NCKAP1: variants seen among roughly 807,000 people sequenced by gnomAD.
NCKAP1 encodes NCK associated protein 1, also known as nck-associated protein 1.
Under a neutral mutation model 151.2 loss-of-function variants are expected in NCKAP1, and 21 were observed. The observed-to-expected ratio is 0.14, with a 90% CI of 0.10 to 0.20. The LOEUF is 0.20. NCKAP1 is among the 10% of genes least tolerant of loss of function. The pLI is 1.00. For synonymous variants in NCKAP1, 484 were observed against 451.8 expected (o/e 1.07, Z -0.90); for missense variants, 933 against 1,352.1 (o/e 0.69, Z 4.86).
chr2:182,999,856 C>G lies in NCKAP1; in HGVS notation c.603+2097G>C, dbSNP rs116533327. Among the ~76,000 whole-genome samples the G allele has an allele frequency of 8.6e-3, 1,311 of 152,248 alleles. 12 individuals are homozygous for G. Among genetic ancestry groups the G allele is most frequent in the Non-Finnish European group, 0.014 (953 of 68,010 alleles). ...ACAAAATCATGTCTTTCTGCAGCAA[C>G]ATGGATGGAACTGGAGGCCATTATC... On this transcript the variant is annotated intron_variant, in intron 6 of 30. Coordinates refer to ENST00000361354, the MANE Select transcript of NCKAP1 (RefSeq NM_013436.5).
chr2:182,975,764 G>T (rs963740865), intron 15 of NCKAP1, among the ~76,000 whole-genome samples: 2 of 151,926 alleles, frequency 1.3e-5, no homozygotes, highest in Non-Finnish European at 2.9e-5. Flanking sequence ...AATTAGCTGG[G>T]TGTGGTGGCT....
intron 26 of NCKAP1, among the ~76,000 whole-genome samples, chr2:182,933,557 C>A (rs1229868165): frequency 1.3e-5 from 2 of 151,846 alleles, no homozygotes; most frequent in Non-Finnish European, 2.9e-5. Flanking sequence ...TCACGCCTGG[C>A]TAATTTTGTA....
At chr2:183,006,432 A>G (rs1220807230) in intron 2 of NCKAP1, among the ~76,000 whole-genome samples, 1 of 152,232 alleles carries the variant, frequency 6.6e-6, no homozygotes, top group Non-Finnish European at 1.5e-5. Flanking sequence ...TATTACCCAT[A>G]GTATTTCTAA....
intron 1 of NCKAP1, among the ~76,000 whole-genome samples, chr2:183,032,142 C>T (rs1699016204): frequency 6.6e-6 from 1 of 152,112 alleles, no homozygotes; most frequent in Admixed American, 6.5e-5. Flanking sequence ...TATTATGTAT[C>T]CCTGGCTAGG....
chr2:183,023,995 T>G (rs1020904442), intron 1 of NCKAP1, 79 bp from the exon 2 acceptor site: 2 of 1,073,194 alleles, frequency 1.9e-6, no homozygotes, highest in African/African-American at 1.6e-5. Flanking sequence ...CAATTAGAAA[T>G]TAAAGAGATA....
rs1699142477 is a variant in NCKAP1, at chr2:183,038,117, C to T, written c.-18G>A. 6.5e-7 allele frequency: 1 copy of T among 1,528,342 alleles called. No individual in the cohort carries two copies. The highest frequency in any genetic ancestry group is 1.4e-5 in the African/African-American group (1 of 70,054). 94.7% of individuals were successfully genotyped at this position (1,528,342 alleles called of 1,614,324 possible). On this transcript the variant is annotated 5_prime_UTR_variant, in exon 1 of 31. Transcript: ENST00000361354. Reference sequence around the variant, plus strand: ...CGCGACATGGTGGTGCTGGTGCCGCCGCCGCCGCCGGCCGCCTCGCGCCCA... The same window carrying T: ...CGCGACATGGTGGTGCTGGTGCCGCTGCCGCCGCCGGCCGCCTCGCGCCCA...
At chr2:182,973,294 G>C (rs925243534) in intron 15 of NCKAP1, among the ~76,000 whole-genome samples, 1 of 151,958 alleles carries the variant, frequency 6.6e-6, no homozygotes, top group African/African-American at 2.4e-5. Flanking sequence ...GACAACAATG[G>C]GGGGAGAAAC....
intron 14 of NCKAP1, among the ~76,000 whole-genome samples, 193 bp downstream of exon 14, chr2:182,978,641 A>AGG (rs1322730550): frequency 3.3e-5 from 5 of 152,146 alleles, no homozygotes; most frequent in African/African-American, 1.2e-4. Context: ...TAATAATTAG[A>AGG]AATATAAAAC....
intron 15 of NCKAP1, among the ~76,000 whole-genome samples, chr2:182,969,363 TAAA>T (rs1180092887): frequency 6.6e-6 from 1 of 151,818 alleles, no homozygotes; most frequent in South Asian, 2.1e-4. Flanking sequence ...ATTAAGGAAA[TAAA>T]AAATTTATTG....
At chr2:183,031,583 G>C (rs1444164033) in intron 1 of NCKAP1, among the ~76,000 whole-genome samples, 1 of 151,470 alleles carries the variant, frequency 6.6e-6, no homozygotes, top group African/African-American at 2.4e-5. Context: ...GGGTGGGGGG[G>C]AATGAACATT....
intron 23 of NCKAP1, among the ~76,000 whole-genome samples, chr2:182,947,547 T>C (rs1369055688): frequency 2.0e-5 from 3 of 152,196 alleles, no homozygotes; most frequent in Non-Finnish European, 4.4e-5. Flanking sequence ...GGCGTCAGCC[T>C]AGAAATACTT....
At chr2:182,947,165 A>C (rs1009876355) in intron 23 of NCKAP1, 2 of 152,208 alleles carry the variant, frequency 1.3e-5, no homozygotes, top group East Asian at 3.8e-4. Context: ...GCTTCTGCTA[A>C]GTACATTGGG....
At chr2:182,984,425 T>G (rs540210592) in intron 10 of NCKAP1, among the ~76,000 whole-genome samples, 23 of 3,588 alleles carry the variant, frequency 6.4e-3, no homozygotes, top group African/African-American at 7.9e-3. Flanking sequence ...TAGATTGGGG[T>G]GTGTGTGTGT....
At chr2:182,970,458 C>G (rs1452399846) in intron 15 of NCKAP1, among the ~76,000 whole-genome samples, 3 of 151,018 alleles carry the variant, frequency 2.0e-5, no homozygotes, top group Non-Finnish European at 4.4e-5. Flanking sequence ...CACATAAGGA[C>G]AAAACTGTAT....
chr2:182,969,196 T>A (rs1296849741), intron 15 of NCKAP1, among the ~76,000 whole-genome samples: 1 of 152,176 alleles, frequency 6.6e-6, no homozygotes, highest in Admixed American at 6.5e-5. Context: ...GGAGAGACCA[T>A]ATGTTAGGCC....
intron 12 of NCKAP1, 77 bp downstream of exon 12, chr2:182,982,744 C>T (rs1270471681): frequency 1.1e-6 from 1 of 875,986 alleles, no homozygotes; most frequent in Non-Finnish European, 1.7e-6. Flanking sequence ...TACAATAGGT[C>T]TATCAGGACA....
At chr2:182,983,027 T>C in intron 11 of NCKAP1, 100 bp from the exon 12 acceptor site, 1 of 895,330 alleles carries the variant, frequency 1.1e-6, no homozygotes, top group South Asian at 1.8e-5. Context: ...AGTGATAATA[T>C]CAATTCAAAA....
intron 2 of NCKAP1, among the ~76,000 whole-genome samples, chr2:183,013,648 A>G (rs1310060204): frequency 1.3e-5 from 2 of 152,112 alleles, no homozygotes; most frequent in Non-Finnish European, 2.9e-5. Context: ...GAGTAGCCAT[A>G]GTGATCACAG....
chr2:182,931,155 T>C (rs572686862), intron 26 of NCKAP1, among the ~76,000 whole-genome samples: 2 of 152,274 alleles, frequency 1.3e-5, no homozygotes, highest in African/African-American at 2.4e-5. Flanking sequence ...TTTATCTCCA[T>C]AGTGGTTTAA....
Sources: allele counts gnomAD v4.1 joint callset (sites outside exome capture counted in the v4.1 genomes callset), GRCh38; gene constraint gnomAD v4.1.1; transcripts MANE v1.5; gene names NCBI Gene and HGNC (gene_info 2026-07-23, HGNC 2026-07-21).